The following LHX2 variants were observed in gnomAD, a reference collection of about 807,000 sequenced individuals.
The protein encoded by LHX2 is LIM homeobox 2.
A neutral mutation model predicts 33.0 loss-of-function variants in LHX2; 6 were observed. The ratio of observed to expected loss-of-function variants is 0.18; its 90% CI spans 0.10 to 0.36. LHX2 has a LOEUF of 0.36. Ranked by LOEUF, LHX2 falls within the 10% of genes least tolerant of loss-of-function variation. The pLI, the probability that LHX2 is intolerant of heterozygous loss-of-function variation, is 1.00. For synonymous variants in LHX2, 292 were observed against 253.1 expected, an observed-to-expected ratio of 1.15 and a Z score of -1.46; for missense variants, 442 against 586.2, an observed-to-expected ratio of 0.75 and a Z score of 2.54.
intron 4 of LHX2, among the ~76,000 whole-genome samples, chr9:124,028,659 CA>C (rs1828664990): frequency 6.6e-6 from 1 of 152,186 alleles, no homozygotes; most frequent in South Asian, 2.1e-4. Context: ...TCCATTTATT[CA>C]CTCATTCATG....
At chr9:124,029,273 C>A (rs1202130158) in intron 4 of LHX2, among the ~76,000 whole-genome samples, 3 of 152,156 alleles carry the variant, frequency 2.0e-5, no homozygotes, top group African/African-American at 7.2e-5. Flanking sequence ...ACATACATGT[C>A]AGCCATTCCT....
At chr9:124,024,070 T>G (rs1278196225) in intron 4 of LHX2, among the ~76,000 whole-genome samples, 1 of 152,188 alleles carries the variant, frequency 6.6e-6, no homozygotes, top group Non-Finnish European at 1.5e-5. Flanking sequence ...ATGGACATAG[T>G]TCTTTCTTCT....
chr9:124,014,840 T>A lies in LHX2; in HGVS notation c.324-282T>A, dbSNP rs1179567894. Among the ~76,000 whole-genome samples the A allele has an allele frequency of 6.6e-6, 1 of 152,336 alleles. No individual in the cohort carries two copies. The highest frequency in any genetic ancestry group is 1.9e-4 in the East Asian group (1 of 5,186). ...GGTTGAGGAGGGGGTAAGTGGTAAGTGTCTCCCTCCACTCCCAGGTAAAGG... is the reference window on the plus strand; with the variant it reads ...GGTTGAGGAGGGGGTAAGTGGTAAGAGTCTCCCTCCACTCCCAGGTAAAGG... On this transcript the variant is annotated intron_variant, in intron 2 of 4. Coordinates refer to ENST00000373615, the MANE Select transcript of LHX2 (RefSeq NM_004789.4). The surrounding 1 kb of genome is among the most constrained non-coding windows in gnomAD (Gnocchi z 4.8).
chr9:124,027,237 T>C (rs1588351606), intron 4 of LHX2, among the ~76,000 whole-genome samples: 1 of 152,022 alleles, frequency 6.6e-6, no homozygotes, highest in East Asian at 1.9e-4. Flanking sequence ...ACCAACAGTT[T>C]AGAAAAATAG....
In LHX2 at chr9:124,032,689, T is replaced by TC; in HGVS notation, c.1204dup (p.Leu402ProfsTer25). The TC allele has an allele frequency of 6.3e-7, 1 of 1,595,710 alleles. No individual in the cohort carries two copies. The highest frequency in any genetic ancestry group is 1.1e-5 in the South Asian group (1 of 90,200). ...AGCCTCACAGCCCCTCACAAACGAC[T>TC]CTTACCAACCTTTTCTAATGACTCG... On this transcript the variant is annotated frameshift_variant, in exon 5 of 5. Coordinates refer to ENST00000373615, the MANE Select transcript of LHX2 (RefSeq NM_004789.4). LOFTEE classifies it high-confidence loss of function. The surrounding 1 kb of genome is among the most constrained non-coding windows in gnomAD (Gnocchi z 4.1).
intron 4 of LHX2, chr9:124,021,709 G>A (rs1160328364): frequency 1.1e-5 from 2 of 174,250 alleles, no homozygotes; most frequent in South Asian, 1.4e-4. Flanking sequence ...ATCCCAGGAC[G>A]TACACCCAAG....
At chr9:124,021,367 C>T in intron 4 of LHX2, 63 bp downstream of exon 4, 10 of 1,498,366 alleles carry the variant, frequency 6.7e-6, no homozygotes, top group Non-Finnish European at 9.1e-6. Flanking sequence ...AACCCTGCAC[C>T]CCTCGCCGTG....
In LHX2 at chr9:124,021,886, G is replaced by A. The variant is rs142756173; in HGVS notation, c.933+582G>A. 8.6e-3 allele frequency: 1,328 copies of A among 153,612 alleles called. 14 individuals are homozygous for A. The highest frequency in any genetic ancestry group is 0.031 in the African/African-American group (1,280 of 41,508). The allele number at this position is 153,612 out of a possible 1,614,324, so 9.5% of individuals were successfully genotyped here. On this transcript the variant is annotated intron_variant, in intron 4 of 4. Transcript: ENST00000373615. ...AAGCAAGGTTTGGTGGTGGGGATGT[G>A]TGTGGGCAGATTCCCTGGGTGGGCA...
Position 124,012,451 on chromosome 9 carries a change from C to T in LHX2, c.103C>T (p.Arg35Cys). The T allele has an allele frequency of 8.5e-6, 13 of 1,526,606 alleles. No individual in the cohort carries two copies. The highest frequency in any genetic ancestry group is 2.4e-5 in the South Asian group (2 of 83,030). The allele number at this position is 1,526,606 out of a possible 1,614,324, so 94.6% of individuals were successfully genotyped here. A position where few individuals can be genotyped will look rare whatever the true frequency, so the allele number is the denominator to read the frequency against. ...EAPAISSAID[R>C]GDTETTMPSI... ...TCCCGCCATCAGCTCCGCCATCGAC[C>T]GCGGCGACACCGAGACGGTAGGCGC... Residue 35 changes from arginine to cysteine, a missense_variant, in exon 1 of 5, where the codon CGC becomes TGC. Physicochemically the swap from Arg to Cys is radical, Grantham distance 180. This residue lies in a region of LHX2 where 97 missense variants were observed against 81.5 expected (regional missense o/e 1.19). Coordinates refer to ENST00000373615, the MANE Select transcript of LHX2 (RefSeq NM_004789.4). The surrounding 1 kb of genome is among the most constrained non-coding windows in gnomAD (Gnocchi z 4.3).
At chr9:124,018,014 C>A (rs866676096) in intron 3 of LHX2, among the ~76,000 whole-genome samples, 1 of 151,846 alleles carries the variant, frequency 6.6e-6, no homozygotes, top group African/African-American at 2.4e-5. Context: ...GCGGACCGGC[C>A]GGACGCCCGG....
intron 4 of LHX2, among the ~76,000 whole-genome samples, chr9:124,029,616 C>T (rs557224692): frequency 6.6e-6 from 1 of 152,308 alleles, no homozygotes; most frequent in East Asian, 1.9e-4. Context: ...TAGCAAACAG[C>T]CGGCAACTAA....
chr9:124,014,074 C>T lies in LHX2; in HGVS notation c.234C>T (p.Leu78=). 6.2e-7 allele frequency: 1 copy of T among 1,613,724 alleles called. No homozygotes were observed. The highest frequency in any genetic ancestry group is 1.1e-5 in the South Asian group (1 of 91,090). Residue 78 remains leucine (L), a synonymous_variant, in exon 2 of 5, where the codon CTC becomes CTT. Coordinates refer to ENST00000373615, the MANE Select transcript of LHX2 (RefSeq NM_004789.4). The surrounding 1 kb of genome is among the most constrained non-coding windows in gnomAD (Gnocchi z 4.8). ...AVDKQWHMRC[L]KCCECKLNLE... is the part of the protein sequence containing the mutation. ...ACAAGCAGTGGCACATGCGCTGCCT[C>T]AAGTGCTGCGAGTGCAAGCTCAACC...
chr9:124,022,885 G>C (rs879644203), intron 4 of LHX2, among the ~76,000 whole-genome samples: 5 of 152,214 alleles, frequency 3.3e-5, no homozygotes, highest in South Asian at 2.1e-4. Context: ...GGGAGGACTG[G>C]GTGACGTAGC....
intron 3 of LHX2, among the ~76,000 whole-genome samples, chr9:124,017,422 TCTTCCTAGATCTGGCGTCCGCCC>T (rs1482026526): frequency 6.6e-6 from 1 of 152,120 alleles, no homozygotes; most frequent in Non-Finnish European, 1.5e-5. Context: ...CCCAGCCCAG[TCTTCCTAGATCTGGCGTCCGCCC>T]TTCCCTCCCC....
rs1044640452 is a variant in LHX2 at position 124,032,813 on chromosome 9, T to C, written c.*106T>C. ...GGCTTTGAGCAACTAACTAACCACA[T>C]TTTAGGATCTCGCCTGGAAACAGAG... On this transcript the variant is annotated 3_prime_UTR_variant, in exon 5 of 5. Coordinates refer to ENST00000373615, the MANE Select transcript of LHX2 (RefSeq NM_004789.4). The surrounding 1 kb of genome is among the most constrained non-coding windows in gnomAD (Gnocchi z 4.1). 8.8e-6 allele frequency: 11 copies of C among 1,254,056 alleles called. No individual in the cohort carries two copies. Among genetic ancestry groups the C allele is most frequent in the Non-Finnish European group, 1.1e-5 (10 of 910,750 alleles). 77.7% of individuals were successfully genotyped at this position (1,254,056 alleles called of 1,614,324 possible).
intron 3 of LHX2, among the ~76,000 whole-genome samples, chr9:124,018,914 T>A (rs756115231): frequency 6.6e-6 from 1 of 152,094 alleles, no homozygotes; most frequent in Non-Finnish European, 1.5e-5. Context: ...TCAGGGCAGG[T>A]CCCTTGGGCC....
rs1859277659 is a variant in LHX2, at chr9:124,020,754, C to T, written c.728-345C>T. 2.0e-5 allele frequency among the ~76,000 whole-genome samples: 3 copies of T among 152,288 alleles called. No homozygotes were observed. The South Asian group carries it at 6.2e-4, about 32-fold the overall frequency. On this transcript the variant is annotated intron_variant, in intron 3 of 4. Coordinates refer to ENST00000373615, the MANE Select transcript of LHX2 (RefSeq NM_004789.4). ...GCCTGGAAAGCCCTTTAACACATCA[C>T]CTGGAGTTCAATCGGCCATCAACAA...
chr9:124,013,652 C>A (rs933911244), intron 1 of LHX2, among the ~76,000 whole-genome samples: 7 of 152,218 alleles, frequency 4.6e-5, no homozygotes, highest in African/African-American at 1.7e-4. Context: ...AAACACAGCC[C>A]GAGCATTTTG....
In LHX2 at chr9:124,015,032, G is replaced by GC. The variant is rs753616625; in HGVS notation, c.324-84dup. The GC allele has an allele frequency of 7.9e-5, 116 of 1,473,582 alleles. No homozygotes were observed. Among genetic ancestry groups the GC allele is most frequent in the Non-Finnish European group, 9.2e-5 (100 of 1,082,550 alleles). 91.3% of individuals were successfully genotyped at this position (1,473,582 alleles called of 1,614,324 possible). On this transcript the variant is annotated intron_variant, in intron 2 of 4. Coordinates refer to ENST00000373615, the MANE Select transcript of LHX2 (RefSeq NM_004789.4). This position sits in a 1 kb window ranked among gnomAD's most constrained non-coding sequence, Gnocchi z 7.9. ...GGTTGTTCGTCTTGAGGAGGGGATTGCCCCCCGCAGCAGCAGCGGCACCTG... is the reference window on the plus strand; with the variant it reads ...GGTTGTTCGTCTTGAGGAGGGGATTGCCCCCCCGCAGCAGCAGCGGCACCTG...
Sources: allele counts gnomAD v4.1 joint callset (sites outside exome capture counted in the v4.1 genomes callset), GRCh38; gene constraint gnomAD v4.1.1; regional missense constraint gnomAD v4.1.1; non-coding constraint Gnocchi (gnomAD v3.1); transcripts MANE v1.5; gene names NCBI Gene and HGNC (gene_info 2026-07-23, HGNC 2026-07-21).